Variants in IL1RAPL2 observed in about 807,000 individuals in gnomAD.
IL1RAPL2 encodes the protein interleukin 1 receptor accessory protein like 2.
In IL1RAPL2, 3 loss-of-function variants were observed where a neutral mutation model predicts 44.1. The ratio of observed to expected loss-of-function variants is 0.07; its 90% CI spans 0.03 to 0.18. IL1RAPL2 has a LOEUF of 0.18. Among genes scored for constraint, IL1RAPL2 ranks in the 10% least tolerant of loss-of-function variants. IL1RAPL2 has a pLI of 1.00. For missense variants in IL1RAPL2, 391 were observed against 496.4 expected, an observed-to-expected ratio of 0.79 and a Z score of 2.02; for synonymous variants, 181 against 178.8, an observed-to-expected ratio of 1.01 and a Z score of -0.10.
chrX:105,380,245 C>A (rs779782386), intron 5 of IL1RAPL2, among the ~76,000 whole-genome samples: 55 of 111,285 alleles, frequency 4.9e-4, no homozygotes, highest in African/African-American at 1.7e-3. Flanking sequence ...GGGAGATATT[C>A]TTTTCAGCTT....
intron 2 of IL1RAPL2, among the ~76,000 whole-genome samples, chrX:104,929,318 T>C (rs1443724440): frequency 4.5e-5 from 5 of 111,968 alleles, no homozygotes; most frequent in Non-Finnish European, 9.4e-5. Flanking sequence ...AGTCAGCTTA[T>C]ATTAGTGCTA....
chrX:105,382,017 T>C (rs905881290), intron 5 of IL1RAPL2, among the ~76,000 whole-genome samples: 1 of 111,830 alleles, frequency 8.9e-6, no homozygotes, highest in Non-Finnish European at 1.9e-5. Context: ...ATAAAAACCC[T>C]AGAAGAAAAC....
Position 104,566,220 on chromosome X carries a change from CTG to C in IL1RAPL2, c.-849_-848del, listed in dbSNP as rs1228094970. 1.8e-5 allele frequency: 2 copies of C among 112,091 alleles called. No individual in the cohort carries two copies. The highest frequency in any genetic ancestry group is 3.8e-5 in the Non-Finnish European group (2 of 53,188). 9.2% of individuals were successfully genotyped at this position (112,091 alleles called of 1,213,427 possible). ...AATCAGTCAGCCAGGAGGCTCCAAA[CTG>C]TTAGCGACAAAAACGCAGCTCTCGG... On this transcript the variant is annotated 5_prime_UTR_variant, in exon 1 of 11. Transcript: ENST00000372582.
At chrX:105,552,909 A>C (rs755685769) in intron 6 of IL1RAPL2, among the ~76,000 whole-genome samples, 3 of 112,497 alleles carry the variant, frequency 2.7e-5, no homozygotes, top group African/African-American at 9.7e-5. Context: ...TTTAAGTTTA[A>C]ATTGTGTTAA....
intron 2 of IL1RAPL2, among the ~76,000 whole-genome samples, chrX:104,945,902 G>A (rs1360671086): frequency 9.2e-6 from 1 of 108,252 alleles, no homozygotes; most frequent in Non-Finnish European, 1.9e-5. Context: ...TTTTTTTGTT[G>A]TTGCCTTAGG....
At chrX:105,755,092 C>G in intron 9 of IL1RAPL2, 85 bp from the exon 10 acceptor site, 1 of 564,803 alleles carries the variant, frequency 1.8e-6, no homozygotes, top group South Asian at 4.7e-5. Context: ...AAGACGGTCA[C>G]TAATTATTGT....
chrX:105,381,717 C>T lies in IL1RAPL2; in HGVS notation c.698-102596C>T, dbSNP rs780056988. Among the ~76,000 whole-genome samples the T allele has an allele frequency of 2.7e-5, 3 of 111,816 alleles. No homozygotes were observed. The East Asian group carries it at 8.5e-4, about 32-fold the overall frequency. ...TCAGAGGAATTGGGATATACATCAT[C>T]TCAAATACTTATCATTTCTTTGTAT... On this transcript the variant is annotated intron_variant, in intron 5 of 10. Transcript: ENST00000372582.
At chrX:105,649,394 T>C (rs1375696568) in intron 6 of IL1RAPL2, among the ~76,000 whole-genome samples, 1 of 111,928 alleles carries the variant, frequency 8.9e-6, no homozygotes, top group Non-Finnish European at 1.9e-5. Flanking sequence ...AAAGATTACA[T>C]GATGTTCGCT....
At chrX:104,972,759 G>A (rs750594181) in intron 2 of IL1RAPL2, among the ~76,000 whole-genome samples, 65 of 112,039 alleles carry the variant, frequency 5.8e-4, no homozygotes, top group Non-Finnish European at 1.2e-3. Flanking sequence ...TGTCTCCCCA[G>A]AGGAGGTAGC....
intron 6 of IL1RAPL2, among the ~76,000 whole-genome samples, chrX:105,656,967 A>G (rs1156496380): frequency 1.2e-5 from 1 of 85,750 alleles, no homozygotes; most frequent in African/African-American, 5.9e-5. Context: ...TGACCATGAC[A>G]AACTATTTTA....
At chrX:105,419,220 G>C (rs768452557) in intron 5 of IL1RAPL2, among the ~76,000 whole-genome samples, 20 of 111,267 alleles carry the variant, frequency 1.8e-4, no homozygotes, top group Non-Finnish European at 3.6e-4. Flanking sequence ...TCATCATACT[G>C]GTACATTTTT....
chrX:104,801,936 A>AC (rs1198156648), intron 2 of IL1RAPL2, among the ~76,000 whole-genome samples: 1 of 111,701 alleles, frequency 9.0e-6, no homozygotes, highest in African/African-American at 3.3e-5. Flanking sequence ...TCGCCCTGCA[A>AC]CCCAAAACAC....
At chrX:104,733,978 G>A (rs2147573952) in intron 2 of IL1RAPL2, among the ~76,000 whole-genome samples, 1 of 111,077 alleles carries the variant, frequency 9.0e-6, no homozygotes, top group Admixed American at 9.6e-5. Context: ...ATGGGTAAAA[G>A]ATTTAAACAA....
chrX:105,272,439 C>T (rs112847849), intron 5 of IL1RAPL2, among the ~76,000 whole-genome samples: 9 of 112,037 alleles, frequency 8.0e-5, no homozygotes, highest in African/African-American at 2.9e-4. Flanking sequence ...GCTTTTTAGA[C>T]ATGAGCATTA....
At chrX:104,892,113 G>A (rs1179929296) in intron 2 of IL1RAPL2, among the ~76,000 whole-genome samples, 1 of 111,610 alleles carries the variant, frequency 9.0e-6, no homozygotes, top group African/African-American at 3.3e-5. Context: ...ATTTGCATAT[G>A]TTGAACCAGC....
intron 5 of IL1RAPL2, among the ~76,000 whole-genome samples, chrX:105,301,861 C>G (rs745396375): frequency 8.9e-6 from 1 of 112,101 alleles, no homozygotes; most frequent in African/African-American, 3.2e-5. Flanking sequence ...TTTCCATAAA[C>G]AGATTTCCTT....
intron 1 of IL1RAPL2, among the ~76,000 whole-genome samples, chrX:104,633,831 GTC>G (rs761950814): frequency 8.1e-5 from 9 of 111,192 alleles, no homozygotes; most frequent in Non-Finnish European, 1.3e-4. Context: ...GTTTTTTTGT[GTC>G]TCTATTTCCT....
chrX:105,707,968 C>T (rs951225000), intron 6 of IL1RAPL2, among the ~76,000 whole-genome samples: 8 of 110,134 alleles, frequency 7.3e-5, no homozygotes, highest in Non-Finnish European at 1.1e-4. Flanking sequence ...ATGCCAATCA[C>T]GTAGGCTACA....
chrX:104,956,461 AGT>A (rs59541869), intron 2 of IL1RAPL2, among the ~76,000 whole-genome samples: 33 of 84,080 alleles, frequency 3.9e-4, no homozygotes, highest in African/African-American at 6.2e-4. Context: ...GTCTCTACTA[AGT>A]GTGTGTGTGT....
Sources: allele counts gnomAD v4.1 joint callset (sites outside exome capture counted in the v4.1 genomes callset), GRCh38; gene constraint gnomAD v4.1.1; transcripts MANE v1.5; gene names NCBI Gene and HGNC (gene_info 2026-07-23, HGNC 2026-07-21).